Variants in DYRK4 observed in about 807,000 individuals in gnomAD.
DYRK4 encodes the protein dual specificity tyrosine phosphorylation regulated kinase 4.
In DYRK4, 64 loss-of-function variants were observed where a neutral mutation model predicts 68.3. The ratio of observed to expected loss-of-function variants is 0.94; its 90% CI spans 0.77 to 1.15. The LOEUF (loss-of-function observed/expected upper bound fraction) is 1.15, where lower values mean the gene tolerates loss of function less well. Ranked by LOEUF, DYRK4 falls within the 50% of genes most tolerant of loss-of-function variation. The pLI is 0.00. For missense variants in DYRK4, 740 were observed against 764.7 expected, an observed-to-expected ratio of 0.97 and a Z score of 0.38; for synonymous variants, 274 against 289.9, an observed-to-expected ratio of 0.95 and a Z score of 0.56.
chr12:4,590,687 C>CTGG, intron 4 of DYRK4: 1 of 702,908 alleles, frequency 1.4e-6, no homozygotes. Flanking sequence ...AAATGAAGTG[C>CTGG]TGGTACATAA....
At chr12:4,565,409 C>T (rs923086771) in intron 1 of DYRK4, among the ~76,000 whole-genome samples, 9 of 152,058 alleles carry the variant, frequency 5.9e-5, no homozygotes, top group Non-Finnish European at 1.3e-4. Context: ...TAGAAGTCAC[C>T]TGCTCCAGTC....
At chr12:4,564,492 A>G (rs998282721) in intron 1 of DYRK4, 22 of 152,198 alleles carry the variant, frequency 1.4e-4, no homozygotes, top group African/African-American at 5.1e-4. Flanking sequence ...TCCTAAAATC[A>G]TAACAGGTAA....
At chr12:4,580,439 C>A (rs1944830468) in intron 2 of DYRK4, among the ~76,000 whole-genome samples, 2 of 152,178 alleles carry the variant, frequency 1.3e-5, no homozygotes, top group Non-Finnish European at 2.9e-5. Flanking sequence ...AAAGGGCAGA[C>A]CCTTAGCTTC....
At chr12:4,601,222 C>T (rs962347507) in intron 10 of DYRK4, among the ~76,000 whole-genome samples, 14 of 152,172 alleles carry the variant, frequency 9.2e-5, no homozygotes, top group Non-Finnish European at 1.5e-4. Context: ...GTCAATGCAC[C>T]ACATACAGTG....
chr12:4,563,301 G>A (rs536287892), intron 1 of DYRK4: 101 of 379,732 alleles, frequency 2.7e-4, no homozygotes, highest in African/African-American at 1.7e-3. Flanking sequence ...GAGGTAAATC[G>A]GAAGGGACTC....
intron 5 of DYRK4, chr12:4,592,727 C>A: frequency 3.2e-6 from 1 of 308,882 alleles, no homozygotes; most frequent in Non-Finnish European, 5.9e-6. Flanking sequence ...GAATTTTTAC[C>A]TGCGCTGCTC....
At chr12:4,590,634 A>C (rs1429069455) in intron 4 of DYRK4, 194 bp downstream of exon 4, 20 of 1,229,050 alleles carry the variant, frequency 1.6e-5, no homozygotes, top group Non-Finnish European at 2.1e-5. Context: ...CTTAGCTACA[A>C]AATGGGCCCT....
intron 2 of DYRK4, among the ~76,000 whole-genome samples, chr12:4,582,079 A>G (rs191966615): frequency 6.6e-6 from 1 of 152,358 alleles, no homozygotes; most frequent in East Asian, 1.9e-4. Context: ...AAAGTGGAGC[A>G]TTTCAGGCTA....
chr12:4,570,694 T>C (rs1944722405), intron 2 of DYRK4, among the ~76,000 whole-genome samples: 1 of 152,242 alleles, frequency 6.6e-6, no homozygotes, highest in Non-Finnish European at 1.5e-5. Flanking sequence ...TATTTATGTT[T>C]TTCACAATAT....
chr12:4,564,723 A>G (rs1051258524), intron 1 of DYRK4, among the ~76,000 whole-genome samples: 3 of 152,202 alleles, frequency 2.0e-5, no homozygotes, highest in African/African-American at 2.4e-5. Flanking sequence ...GATGCTCTGG[A>G]ATTTTTTGAT....
intron 2 of DYRK4, among the ~76,000 whole-genome samples, chr12:4,576,673 A>G (rs943194273): frequency 6.6e-5 from 10 of 152,182 alleles, no homozygotes; most frequent in African/African-American, 2.4e-4. Context: ...CCTTGCCAGC[A>G]TTTGGTGTTG....
At chr12:4,598,406 G>T (rs1208878304) in intron 8 of DYRK4, among the ~76,000 whole-genome samples, 1 of 152,200 alleles carries the variant, frequency 6.6e-6, no homozygotes, top group Admixed American at 6.5e-5. Context: ...CTTTGTCAAT[G>T]CATTGTATTA....
chr12:4,587,871 A>G (rs910760254), intron 2 of DYRK4, among the ~76,000 whole-genome samples: 3 of 152,210 alleles, frequency 2.0e-5, no homozygotes, highest in Admixed American at 2.0e-4. Context: ...GCTGTGTGTC[A>G]GCTTTGGATA....
At chr12:4,590,512 A>C (rs1268557452) in intron 4 of DYRK4, 72 bp downstream of exon 4, 1 of 1,518,236 alleles carries the variant, frequency 6.6e-7, no homozygotes, top group East Asian at 2.5e-5. Flanking sequence ...CAGTTTTAGA[A>C]AGGCCCAGGA....
rs114816212 is a variant in DYRK4 at position 4,573,331 on chromosome 12, G to T, written c.132+5283G>T. Reference sequence around the variant, plus strand: ...ATAGTTTTCCCCATTCTTTCCTAGGGCCCCACTCTTTCTGAGATCTACATG... The same window carrying T: ...ATAGTTTTCCCCATTCTTTCCTAGGTCCCCACTCTTTCTGAGATCTACATG... On this transcript the variant is annotated intron_variant, in intron 2 of 14. Transcript: ENST00000543431. 3.3e-3 allele frequency: 4,214 copies of T among 1,287,974 alleles called. 124 individuals are homozygous for T. In the African/African-American group the frequency reaches 0.058, roughly 18 times the overall value. The allele number at this position is 1,287,974 out of a possible 1,614,324, so 79.8% of individuals were successfully genotyped here. A position where few individuals can be genotyped will look rare whatever the true frequency, so the allele number is the denominator to read the frequency against.
chr12:4,562,416 T>TG, intron 1 of DYRK4, 133 bp downstream of exon 1: 4 of 1,187,306 alleles, frequency 3.4e-6, no homozygotes, highest in Non-Finnish European at 4.6e-6. Context: ...CCGGGGAATG[T>TG]GGGTCAGAGA....
intron 1 of DYRK4, among the ~76,000 whole-genome samples, chr12:4,566,691 A>G (rs1944680588): frequency 6.6e-6 from 1 of 152,246 alleles, no homozygotes; most frequent in Non-Finnish European, 1.5e-5. Context: ...TGTCTCAGCA[A>G]ATGTTTATAG....
chr12:4,613,440 TA>T lies in DYRK4; in HGVS notation c.1667-74del. 6.6e-7 allele frequency: 1 copy of T among 1,521,392 alleles called. No homozygotes were observed. The highest frequency in any genetic ancestry group is 8.9e-7 in the Non-Finnish European group (1 of 1,126,758). The allele number at this position is 1,521,392 out of a possible 1,614,324, so 94.2% of individuals were successfully genotyped here. A position where few individuals can be genotyped will look rare whatever the true frequency, so the allele number is the denominator to read the frequency against. On this transcript the variant is annotated intron_variant, in intron 14 of 14. Coordinates refer to ENST00000543431, the MANE Select transcript of DYRK4 (RefSeq NM_001394779.1). This position sits in a 1 kb window ranked among gnomAD's most constrained non-coding sequence, Gnocchi z 4.0. ...CGGTCATCGTTTCCACTAAGTGATG[TA>T]CAACCTAAAGGACAATTAACATATA...
At chr12:4,575,808 T>A (rs1425191747) in intron 2 of DYRK4, among the ~76,000 whole-genome samples, 1 of 152,252 alleles carries the variant, frequency 6.6e-6, no homozygotes, top group Non-Finnish European at 1.5e-5. Context: ...CTACTCATCC[T>A]TTGTCAGTTG....
Sources: gnomAD v4.1 joint callset for allele counts (sites outside exome capture counted in the v4.1 genomes callset) on GRCh38, gnomAD v4.1.1 for gene constraint, Gnocchi (gnomAD v3.1) non-coding constraint, MANE v1.5 for transcripts, NCBI Gene and HGNC (gene_info 2026-07-23, HGNC 2026-07-21) for gene names.